Variants in AKAIN1 observed in about 807,000 individuals in gnomAD.
AKAIN1 encodes the protein A-kinase anchor inhibitor 1.
AKAIN1 carries 3 observed loss-of-function variants against 3.7 expected under a neutral mutation model. The ratio of observed to expected loss-of-function variants is 0.82; its 90% confidence interval spans 0.37 to 2.12. The LOEUF is 2.12. Ranked by LOEUF, AKAIN1 falls within the 30% of genes most tolerant of loss-of-function variation. AKAIN1 has a pLI of 0.06. For synonymous variants in AKAIN1, 31 were observed against 30.8 expected, an observed-to-expected ratio of 1.01 and a Z score of -0.02; for missense variants, 82 against 82.7, an observed-to-expected ratio of 0.99 and a Z score of 0.03.
chr18:5,179,545 T>C (rs1445164610), intron 1 of AKAIN1, among the ~76,000 whole-genome samples: 1 of 152,150 alleles, frequency 6.6e-6, no homozygotes, highest in Non-Finnish European at 1.5e-5. Context: ...AACATATGAA[T>C]GCAGGTATCT....
intron 1 of AKAIN1, among the ~76,000 whole-genome samples, chr18:5,148,029 T>C (rs1018148171): frequency 6.6e-6 from 1 of 152,212 alleles, no homozygotes; most frequent in Non-Finnish European, 1.5e-5. Context: ...ATCTGTAAAA[T>C]GGGCAAGTAT....
chr18:5,197,271 C>T (rs941105229), upstream of AKAIN1: 3 of 1,373,124 alleles, frequency 2.2e-6, no homozygotes, highest in Non-Finnish European at 2.8e-6. This position sits in a 1 kb window ranked among gnomAD's most constrained non-coding sequence, Gnocchi z 6.9. Flanking sequence ...GCCACAGCGG[C>T]GGCGGGAGGA....
intron 1 of AKAIN1, among the ~76,000 whole-genome samples, chr18:5,184,210 T>C (rs2071274641): frequency 6.6e-6 from 1 of 151,976 alleles, no homozygotes; most frequent in African/African-American, 2.4e-5. Flanking sequence ...GATTTGAGGG[T>C]TACAAATAAA....
chr18:5,154,057 C>A (rs1466232212), intron 1 of AKAIN1, among the ~76,000 whole-genome samples: 1 of 151,880 alleles, frequency 6.6e-6, no homozygotes, highest in South Asian at 2.1e-4. Flanking sequence ...CATTGTGAGA[C>A]CCTCATCTCT....
rs577558141 is a variant in AKAIN1, at chr18:5,169,122, A to G, written c.17-23367T>C. ...TTGAGCCTGAATTCCTCAGGGAAGC[A>G]TGTTGGGAAATCAGACAGAGACTCT... On this transcript the variant is annotated intron_variant, in intron 1 of 1. Transcript: ENST00000434239. 5.9e-5 allele frequency among the ~76,000 whole-genome samples: 9 copies of G among 152,206 alleles called. No homozygotes were observed. The East Asian group carries it at 1.6e-3, about 26-fold the overall frequency.
chr18:5,161,507 C>A (rs541239194), intron 1 of AKAIN1, among the ~76,000 whole-genome samples: 2 of 152,094 alleles, frequency 1.3e-5, no homozygotes, highest in South Asian at 2.1e-4. Flanking sequence ...TCTCCACCTT[C>A]TATTTATTTA....
chr18:5,152,045 T>C (rs2071082744), intron 1 of AKAIN1, among the ~76,000 whole-genome samples: 1 of 152,156 alleles, frequency 6.6e-6, no homozygotes, highest in South Asian at 2.1e-4. Context: ...GGGAGCTATG[T>C]CATGTGCTAT....
intron 1 of AKAIN1, among the ~76,000 whole-genome samples, chr18:5,146,582 C>T (rs427526): frequency 0.028 from 4,191 of 152,254 alleles, 202 homozygotes; most frequent in African/African-American, 0.097. Context: ...GGATCACAAC[C>T]AGTGAAACTA....
intron 1 of AKAIN1, among the ~76,000 whole-genome samples, chr18:5,154,285 G>A (rs2071094698): frequency 6.6e-6 from 1 of 152,136 alleles, no homozygotes; most frequent in South Asian, 2.1e-4. Context: ...TAGAGGCACA[G>A]AGAATGCTTA....
chr18:5,181,587 G>A lies in AKAIN1; in HGVS notation c.16+15451C>T, dbSNP rs147128256. On this transcript the variant is annotated intron_variant, in intron 1 of 1. Transcript: ENST00000434239. ...AGTAAAGGTCATTAGTGAGAGCTAA[G>A]ATGCTAAACCTCTAAGGATGCTGAA... 3.2e-3 allele frequency among the ~76,000 whole-genome samples: 484 copies of A among 152,182 alleles called. 1 individual carries two copies. Among genetic ancestry groups the A allele is most frequent in the African/African-American group, 0.011 (455 of 41,534 alleles).
intron 1 of AKAIN1, among the ~76,000 whole-genome samples, chr18:5,186,520 G>C: frequency 6.6e-6 from 1 of 152,056 alleles, no homozygotes; most frequent in East Asian, 1.9e-4. Context: ...TGCATCTAAT[G>C]AGAGAGCTTC....
At chr18:5,152,286 C>A (rs1483251587) in intron 1 of AKAIN1, among the ~76,000 whole-genome samples, 1 of 152,164 alleles carries the variant, frequency 6.6e-6, no homozygotes, top group African/African-American at 2.4e-5. Flanking sequence ...GATCACTTAA[C>A]AGGTTTTTCA....
chr18:5,185,096 A>C lies in AKAIN1; in HGVS notation c.16+11942T>G, dbSNP rs367782362. ...AGTTGACAAGAACAAGCAGTGAGGA[A>C]AGGACTTTCTATTCAATAAATGGTG... On this transcript the variant is annotated intron_variant, in intron 1 of 1. Transcript: ENST00000434239. 2.3e-3 allele frequency among the ~76,000 whole-genome samples: 350 copies of C among 152,292 alleles called. 5 individuals are homozygous for C. In the South Asian group the frequency reaches 0.026, roughly 11 times the overall value.
At chr18:5,184,892 T>G (rs940676744) in intron 1 of AKAIN1, among the ~76,000 whole-genome samples, 1 of 151,984 alleles carries the variant, frequency 6.6e-6, no homozygotes, top group Non-Finnish European at 1.5e-5. Flanking sequence ...GCCAAGGTAA[T>G]CCTCAGCAAA....
At chr18:5,161,564 T>C (rs1429210613) in intron 1 of AKAIN1, among the ~76,000 whole-genome samples, 1 of 152,100 alleles carries the variant, frequency 6.6e-6, no homozygotes, top group Non-Finnish European at 1.5e-5. Flanking sequence ...GGAGCCTCTA[T>C]TAGAAGACTG....
In AKAIN1 at chr18:5,174,823, C is replaced by T. The variant is rs1487563939; in HGVS notation, c.16+22215G>A. Among the ~76,000 whole-genome samples the T allele has an allele frequency of 2.6e-5, 4 of 152,274 alleles. No homozygotes were observed. The East Asian group carries it at 7.8e-4, about 30-fold the overall frequency. ...AGAGCAGACTCCACCACGGGAACAA[C>T]TCTACTGAAGAGGAGGAAACTGGCC... is the stretch of plus-strand genomic sequence containing the variant. On this transcript the variant is annotated intron_variant, in intron 1 of 1. Coordinates refer to ENST00000434239, the MANE Select transcript of AKAIN1 (RefSeq NM_001145194.2).
chr18:5,177,997 C>G lies in AKAIN1; in HGVS notation c.16+19041G>C, dbSNP rs553709879. Reference sequence around the variant, plus strand: ...TCCTTCCTCAACTGTGACTCTTTATCCATCTAAGAGTCACGCCTGCAAGCA... The same window carrying G: ...TCCTTCCTCAACTGTGACTCTTTATGCATCTAAGAGTCACGCCTGCAAGCA... On this transcript the variant is annotated intron_variant, in intron 1 of 1. Coordinates refer to ENST00000434239, the MANE Select transcript of AKAIN1 (RefSeq NM_001145194.2). Among the ~76,000 whole-genome samples, 10 of 152,186 alleles carry G rather than the reference C, an allele frequency of 6.6e-5. No individual in the cohort carries two copies. In the East Asian group the frequency reaches 1.7e-3, roughly 27 times the overall value.
At chr18:5,180,404 G>C (rs1390757601) in intron 1 of AKAIN1, among the ~76,000 whole-genome samples, 1 of 151,136 alleles carries the variant, frequency 6.6e-6, no homozygotes, top group Non-Finnish European at 1.5e-5. Flanking sequence ...CATGGGGAGA[G>C]ACCTGCCCCT....
chr18:5,196,994 G>T (rs781075886), intron 1 of AKAIN1, 44 bp downstream of exon 1: 13 of 1,500,882 alleles, frequency 8.7e-6, no homozygotes, highest in Non-Finnish European at 1.2e-5. Flanking sequence ...CCTCTACCCT[G>T]CTCCCCTCCT....
Sources: gnomAD v4.1 joint callset for allele counts (sites outside exome capture counted in the v4.1 genomes callset) on GRCh38, gnomAD v4.1.1 for gene constraint, Gnocchi (gnomAD v3.1) non-coding constraint, MANE v1.5 for transcripts, NCBI Gene and HGNC (gene_info 2026-07-23, HGNC 2026-07-21) for gene names.